GALNT13: variants seen among roughly 807,000 people sequenced by gnomAD.
GALNT13 encodes UDP-GalNAc:polypeptide N-acetylgalactosaminyltransferase 13.
GALNT13 carries 28 observed loss-of-function variants against 64.2 expected under a neutral mutation model. The ratio of observed to expected loss-of-function variants is 0.44; its 90% CI spans 0.32 to 0.60. The LOEUF (loss-of-function observed/expected upper bound fraction) is 0.60, where lower values mean the gene tolerates loss of function less well. Among genes scored for constraint, GALNT13 ranks in the 20% least tolerant of loss-of-function variants. GALNT13 has a pLI of 0.05. For missense variants in GALNT13, 577 were observed against 669.8 expected (o/e 0.86, Z 1.53); for synonymous variants, 214 against 224.6 (o/e 0.95, Z 0.42).
intron 3 of GALNT13, among the ~76,000 whole-genome samples, chr2:154,014,446 C>T (rs972636959): frequency 6.6e-6 from 1 of 151,814 alleles, no homozygotes; most frequent in African/African-American, 2.4e-5. Flanking sequence ...CCAGATTCCT[C>T]CCGCTTCAGT....
chr2:154,223,315 T>C (rs1688411588), intron 4 of GALNT13, among the ~76,000 whole-genome samples: 1 of 152,098 alleles, frequency 6.6e-6, no homozygotes, highest in South Asian at 2.1e-4. Context: ...AGCAGTAACA[T>C]ATAAGGGCTT....
chr2:153,453,350 A>C, the GALNT13 span, among the ~76,000 whole-genome samples: 1 of 152,204 alleles, frequency 6.6e-6, no homozygotes, highest in African/African-American at 2.4e-5. Flanking sequence ...GAATGGGAGA[A>C]AATATTTGCA....
At chr2:154,144,502 A>T (rs1315137345) in intron 4 of GALNT13, among the ~76,000 whole-genome samples, 1 of 152,182 alleles carries the variant, frequency 6.6e-6, no homozygotes, top group East Asian at 1.9e-4. Context: ...TAATTTACGA[A>T]GAAGCTGAAT....
the GALNT13 span, among the ~76,000 whole-genome samples, chr2:153,172,482 G>T: frequency 6.6e-6 from 1 of 152,046 alleles, no homozygotes; most frequent in Non-Finnish European, 1.5e-5. Flanking sequence ...ACCCTAAGGG[G>T]ATTTAAAGCA....
chr2:154,417,525 T>A (rs200275359), intron 11 of GALNT13, among the ~76,000 whole-genome samples: 6 of 20,472 alleles, frequency 2.9e-4, no homozygotes, highest in African/African-American at 6.0e-4. Flanking sequence ...TTATTTATTT[T>A]TTTGAGGCGG....
chr2:153,890,276 A>G (rs933630507), intron 1 of GALNT13, among the ~76,000 whole-genome samples: 2 of 151,930 alleles, frequency 1.3e-5, no homozygotes, highest in African/African-American at 2.4e-5. Flanking sequence ...GTTTTAGTAA[A>G]TGTGTTCATA....
the GALNT13 span, among the ~76,000 whole-genome samples, chr2:153,725,907 A>G: frequency 6.6e-6 from 1 of 150,924 alleles, no homozygotes; most frequent in Non-Finnish European, 1.5e-5. Flanking sequence ...AGTTATCTTA[A>G]TTAGTATAAT....
intron 9 of GALNT13, among the ~76,000 whole-genome samples, chr2:154,316,693 G>A (rs1253836467): frequency 6.6e-6 from 1 of 152,150 alleles, no homozygotes; most frequent in African/African-American, 2.4e-5. Flanking sequence ...GGGAATGCTC[G>A]TCAGCTCAGG....
At chr2:154,200,425 G>A (rs1028289605) in intron 4 of GALNT13, among the ~76,000 whole-genome samples, 2 of 152,066 alleles carry the variant, frequency 1.3e-5, no homozygotes, top group Non-Finnish European at 2.9e-5. Context: ...CATTTCCCAT[G>A]AAGATTGTCT....
At chr2:154,075,079 G>A (rs973884912) in intron 3 of GALNT13, among the ~76,000 whole-genome samples, 8 of 151,818 alleles carry the variant, frequency 5.3e-5, no homozygotes, top group African/African-American at 1.9e-4. Flanking sequence ...GAACTAAAGT[G>A]TAAACAAATA....
At chr2:153,903,167 G>A (rs1688341629) in intron 2 of GALNT13, among the ~76,000 whole-genome samples, 1 of 151,824 alleles carries the variant, frequency 6.6e-6, no homozygotes, top group Non-Finnish European at 1.5e-5. Context: ...TCAATTATAA[G>A]TTACGATAGT....
At chr2:153,609,429 G>T in the GALNT13 span, among the ~76,000 whole-genome samples, 1 of 152,212 alleles carries the variant, frequency 6.6e-6, no homozygotes, top group South Asian at 2.1e-4. Flanking sequence ...AGAGAACCCT[G>T]CCACCCCTGT....
At chr2:153,435,280 C>A in the GALNT13 span, among the ~76,000 whole-genome samples, 1 of 152,256 alleles carries the variant, frequency 6.6e-6, no homozygotes, top group East Asian at 1.9e-4. Context: ...CAGCTTTGTT[C>A]TTTTGGCTTA....
chr2:153,843,649 C>T, the GALNT13 span, among the ~76,000 whole-genome samples: 1 of 152,122 alleles, frequency 6.6e-6, no homozygotes, highest in African/African-American at 2.4e-5. Context: ...ACATAAAATC[C>T]AAGGTTTCAT....
intron 3 of GALNT13, among the ~76,000 whole-genome samples, chr2:153,960,794 T>G (rs955943565): frequency 1.3e-5 from 2 of 152,200 alleles, no homozygotes; most frequent in Non-Finnish European, 2.9e-5. Flanking sequence ...TCAGATTGAT[T>G]ATTTGCTGAT....
chr2:154,243,002 T>C, intron 6 of GALNT13, 97 bp downstream of exon 6: 1 of 988,682 alleles, frequency 1.0e-6, no homozygotes, highest in East Asian at 2.6e-5. Context: ...TTGCTATTTT[T>C]AGAAGGTTTA....
intron 3 of GALNT13, among the ~76,000 whole-genome samples, chr2:154,110,352 G>GAGAGAGAGAGAGAGAGAGAGAGAGAC (rs1558963146): frequency 2.3e-5 from 2 of 88,408 alleles, no homozygotes; most frequent in African/African-American, 1.0e-4. Context: ...GAGAGAGAGA[G>GAGAGAGAGAGAGAGAGAGAGAGAGAC]AGAGAGAGAG....
At chr2:154,159,304 T>G (rs1447091158) in intron 4 of GALNT13, among the ~76,000 whole-genome samples, 1 of 151,830 alleles carries the variant, frequency 6.6e-6, no homozygotes, top group Non-Finnish European at 1.5e-5. Context: ...CAGGCTAATT[T>G]TTGTATTTTT....
chr2:153,541,283 T>C, the GALNT13 span, among the ~76,000 whole-genome samples: 441 of 152,260 alleles, frequency 2.9e-3, 4 homozygotes, highest in African/African-American at 0.01. Context: ...ATGTGTTTGC[T>C]TCCTCTTCTG....
Sources: gnomAD v4.1 joint callset for allele counts (sites outside exome capture counted in the v4.1 genomes callset) on GRCh38, gnomAD v4.1.1 for gene constraint, MANE v1.5 for transcripts, NCBI Gene and HGNC (gene_info 2026-07-23, HGNC 2026-07-21) for gene names.